PEX7: variants seen among roughly 807,000 people sequenced by gnomAD.
The protein encoded by PEX7 is PTS2 receptor.
A neutral mutation model predicts 47.5 loss-of-function variants in PEX7; 34 were observed. The ratio of observed to expected loss-of-function variants is 0.72; its 90% CI spans 0.54 to 0.95. The LOEUF is 0.95. Among genes scored for constraint, PEX7 ranks in the 40% least tolerant of loss-of-function variants. The probability of loss-of-function intolerance (pLI) is 0.00; values close to 1 mark genes in which losing one functional copy is unlikely to be tolerated. For synonymous variants in PEX7, 141 were observed against 148.8 expected (o/e 0.95, Z 0.38); for missense variants, 394 against 400.3 (o/e 0.98, Z 0.13).
intron 9 of PEX7, among the ~76,000 whole-genome samples, chr6:136,908,103 A>G (rs1326081894): frequency 6.6e-6 from 1 of 152,196 alleles, no homozygotes; most frequent in African/African-American, 2.4e-5. Context: ...GTCTTAATGT[A>G]TATGCCATAC....
In PEX7 at chr6:136,822,667, TGAGTGCG is replaced by T. The variant is rs1774096707; in HGVS notation, c.4_10del (p.Ser2_?4). 1 of 1,523,344 alleles carries T rather than the reference TGAGTGCG, an allele frequency of 6.6e-7. No individual in the cohort carries two copies. The highest frequency in any genetic ancestry group is 1.4e-5 in the African/African-American group (1 of 71,550). 94.4% of individuals were successfully genotyped at this position (1,523,344 alleles called of 1,614,324 possible). The stretch of plus-strand genomic sequence containing the variant: ...CGAGGGCCGGGGGCGGCGGGCGGGA[TGAGTGCG>T]GTGTGCGGTGGAGCGGCGCGGATGC... On this transcript the variant is annotated frameshift_variant and start_lost, in exon 1 of 10. Coordinates refer to ENST00000318471, the MANE Select transcript of PEX7 (RefSeq NM_000288.4). LOFTEE classifies it high-confidence loss of function.
chr6:136,827,504 TTGTGTG>T (rs5880309), intron 3 of PEX7, among the ~76,000 whole-genome samples: 2,418 of 140,986 alleles, frequency 0.017, 36 homozygotes, highest in South Asian at 0.049. Flanking sequence ...CTGTGTGAAT[TTGTGTG>T]TGTGTGTGTG....
Position 136,822,712 on chromosome 6 carries a change from G to A in PEX7, c.47G>A (p.Gly16Glu), listed in dbSNP as rs1300062837. The change falls in exon 1 of 10, where the codon GGA becomes GAA. Residue 16 changes from glycine (G) to glutamate (E), a missense_variant. Coordinates refer to ENST00000318471, the MANE Select transcript of PEX7 (RefSeq NM_000288.4). ...GCGGCGCGGATGCTGCGGACGCCGG[G>A]ACGCCACGGCTACGCCGCCGAGTTC... The part of the protein sequence containing the change: ...GGAARMLRTP[G>E]RHGYAAEFSP... The A allele has an allele frequency of 4.6e-6, 7 of 1,516,916 alleles. No individual in the cohort carries two copies. Among genetic ancestry groups the A allele is most frequent in the African/African-American group, 2.8e-5 (2 of 70,210 alleles). 94.0% of individuals were successfully genotyped at this position (1,516,916 alleles called of 1,614,324 possible).
chr6:136,836,876 C>T (rs1241884798), intron 3 of PEX7, among the ~76,000 whole-genome samples: 4 of 151,896 alleles, frequency 2.6e-5, no homozygotes, highest in African/African-American at 9.7e-5. Flanking sequence ...TCGCTTGAAC[C>T]CGGGAGGCAG....
intron 7 of PEX7, chr6:136,870,710 T>A (rs1420293972): frequency 2.6e-6 from 1 of 383,594 alleles, no homozygotes; most frequent in South Asian, 1.9e-5. Flanking sequence ...AAATTCTAAA[T>A]TTTTTTTTCT....
At chr6:136,838,774 G>A (rs1400775233) in intron 3 of PEX7, among the ~76,000 whole-genome samples, 1 of 152,090 alleles carries the variant, frequency 6.6e-6, no homozygotes, top group Non-Finnish European at 1.5e-5. Context: ...GAAACATGAT[G>A]GGCAACATGT....
rs1325231007 is a variant in PEX7 at position 136,913,812 on chromosome 6, G to T, written c.*286G>T. The T allele has an allele frequency of 5.5e-6, 2 of 364,808 alleles. No individual in the cohort carries two copies. The highest frequency in any genetic ancestry group is 5.0e-6 in the Non-Finnish European group (1 of 200,054). The allele number at this position is 364,808 out of a possible 1,614,324, so 22.6% of individuals were successfully genotyped here. ...TGGGTCATAAAATGGATTAAAATAT[G>T]GGAGATCAGTAGGTTATACTTATAT... On this transcript the variant is annotated 3_prime_UTR_variant, in exon 10 of 10. Transcript: ENST00000318471.
chr6:136,847,697 G>A (rs1338504700), intron 5 of PEX7, among the ~76,000 whole-genome samples: 37 of 152,134 alleles, frequency 2.4e-4, no homozygotes, highest in Middle Eastern at 3.4e-3. Context: ...CTGTTCCATT[G>A]GTCTAGATCT....
intron 8 of PEX7, among the ~76,000 whole-genome samples, chr6:136,887,281 T>G (rs988582113): frequency 1.3e-5 from 2 of 152,136 alleles, no homozygotes; most frequent in African/African-American, 4.8e-5. Flanking sequence ...ATAATTAATG[T>G]AATTTAGTTA....
At chr6:136,912,943 T>C (rs893245129) in intron 9 of PEX7, among the ~76,000 whole-genome samples, 2 of 152,208 alleles carry the variant, frequency 1.3e-5, no homozygotes, top group Non-Finnish European at 2.9e-5. Context: ...GGGAATGCCA[T>C]GGCATTGTGA....
At chr6:136,864,723 A>G (rs1775026938) in intron 5 of PEX7, among the ~76,000 whole-genome samples, 2 of 152,316 alleles carry the variant, frequency 1.3e-5, no homozygotes, top group African/African-American at 4.8e-5. Context: ...TATATACCGT[A>G]TTTGGCAGTT....
intron 8 of PEX7, among the ~76,000 whole-genome samples, chr6:136,878,994 G>A (rs1775327739): frequency 6.6e-6 from 1 of 151,696 alleles, no homozygotes; most frequent in African/African-American, 2.4e-5. Flanking sequence ...TTATTGCCTG[G>A]TTGTGAGTTT....
intron 9 of PEX7, among the ~76,000 whole-genome samples, chr6:136,899,450 A>G (rs1775715052): frequency 6.6e-6 from 1 of 151,770 alleles, no homozygotes; most frequent in African/African-American, 2.4e-5. Flanking sequence ...CGCCATGTTG[A>G]CTAGGCTGGT....
chr6:136,843,835 G>T (rs932233009), intron 3 of PEX7, among the ~76,000 whole-genome samples: 1 of 151,932 alleles, frequency 6.6e-6, no homozygotes, highest in Non-Finnish European at 1.5e-5. Context: ...TGTCTTTTGC[G>T]TGAATATGGG....
chr6:136,833,058 G>T (rs899251902), intron 3 of PEX7, among the ~76,000 whole-genome samples: 1 of 152,060 alleles, frequency 6.6e-6, no homozygotes, highest in African/African-American at 2.4e-5. Context: ...TCACTATCCT[G>T]GTACCAATTC....
chr6:136,836,350 G>T (rs1774384620), intron 3 of PEX7, among the ~76,000 whole-genome samples: 1 of 151,796 alleles, frequency 6.6e-6, no homozygotes, highest in Non-Finnish European at 1.5e-5. Flanking sequence ...TAATAAAAAT[G>T]GTTACCTTGA....
At chr6:136,905,026 A>T (rs1775822159) in intron 9 of PEX7, among the ~76,000 whole-genome samples, 1 of 152,022 alleles carries the variant, frequency 6.6e-6, no homozygotes, top group Non-Finnish European at 1.5e-5. Flanking sequence ...AGTCTTTCTG[A>T]TTTTACCTTT....
chr6:136,906,088 C>T (rs949196040), intron 9 of PEX7, among the ~76,000 whole-genome samples: 1 of 152,154 alleles, frequency 6.6e-6, no homozygotes, highest in Non-Finnish European at 1.5e-5. Flanking sequence ...CATTGATTCT[C>T]CATGTTGCCT....
At chr6:136,826,536 G>A in intron 3 of PEX7, 67 bp downstream of exon 3, 3 of 1,573,280 alleles carry the variant, frequency 1.9e-6, no homozygotes, top group Non-Finnish European at 2.6e-6. Flanking sequence ...TCCATTTGGG[G>A]ATGGACACAT....
Sources: allele counts gnomAD v4.1 joint callset (sites outside exome capture counted in the v4.1 genomes callset), GRCh38; gene constraint gnomAD v4.1.1; transcripts MANE v1.5; gene names NCBI Gene and HGNC (gene_info 2026-07-23, HGNC 2026-07-21).